Variants in TTC9C observed in about 807,000 individuals in gnomAD.
The protein encoded by TTC9C is tetratricopeptide repeat domain 9C.
In TTC9C, 15 loss-of-function variants were observed where a neutral mutation model predicts 22.5. The observed-to-expected ratio is 0.67, with a 90% CI of 0.45 to 1.03. The LOEUF (loss-of-function observed/expected upper bound fraction) is 1.03, where lower values mean the gene tolerates loss of function less well. Among genes scored for constraint, TTC9C ranks in the 50% least tolerant of loss-of-function variants. The probability of loss-of-function intolerance (pLI) is 0.00; values close to 1 mark genes in which losing one functional copy is unlikely to be tolerated. For missense variants in TTC9C, 244 were observed against 214.6 expected, an observed-to-expected ratio of 1.14 and a Z score of -0.86; for synonymous variants, 92 against 86.8, an observed-to-expected ratio of 1.06 and a Z score of -0.33.
At chr11:62,728,365 T>A (rs184529179), upstream of TTC9C, 1 of 364,890 alleles carries the variant, frequency 2.7e-6, no homozygotes, top group East Asian at 7.4e-5. Context: ...AACAAATAAA[T>A]GTTGAATAAG....
At chr11:62,732,216 C>CG (rs1348328943) in intron 1 of TTC9C, among the ~76,000 whole-genome samples, 8 of 151,764 alleles carry the variant, frequency 5.3e-5, no homozygotes, top group African/African-American at 1.7e-4. Flanking sequence ...AGGATGGTCT[C>CG]GATCTCCTGA....
chr11:62,735,326 G>A (rs531570071), intron 1 of TTC9C, 56 bp from the exon 2 acceptor site: 67 of 1,591,148 alleles, frequency 4.2e-5, no homozygotes, highest in South Asian at 5.7e-5. Flanking sequence ...CTGGCCAGTG[G>A]AACCTGGTGT....
intron 1 of TTC9C, among the ~76,000 whole-genome samples, chr11:62,729,679 G>A (rs1365681885): frequency 1.9e-4 from 28 of 150,916 alleles, no homozygotes; most frequent in African/African-American, 6.6e-4. Flanking sequence ...GAGTTCAAGC[G>A]ATTCTCCTGC....
At chr11:62,736,120 C>T (rs2083908641) in intron 2 of TTC9C, 1 of 150,014 alleles carries the variant, frequency 6.7e-6, no homozygotes, top group Non-Finnish European at 1.5e-5. Flanking sequence ...GCCTGTAAAC[C>T]CAGCTACTCG....
chr11:62,737,312 T>G (rs571100393), intron 2 of TTC9C, among the ~76,000 whole-genome samples: 1 of 152,346 alleles, frequency 6.6e-6, no homozygotes, highest in African/African-American at 2.4e-5. Flanking sequence ...GTCTGGCCTT[T>G]GGTTTAGCTA....
chr11:62,735,140 C>T (rs565598060), intron 1 of TTC9C, among the ~76,000 whole-genome samples: 27 of 152,112 alleles, frequency 1.8e-4, no homozygotes, highest in Admixed American at 1.4e-3. Flanking sequence ...GTGATCCACC[C>T]GTCTCGGCCT....
At chr11:62,736,176 G>A (rs1162838300) in intron 2 of TTC9C, 1 of 142,284 alleles carries the variant, frequency 7.0e-6, no homozygotes, top group Non-Finnish European at 1.5e-5. Context: ...GGCGGAGGTT[G>A]CGGTGAGCCG....
At chr11:62,737,693 C>G (rs1207664402) in intron 2 of TTC9C, among the ~76,000 whole-genome samples, 2 of 152,150 alleles carry the variant, frequency 1.3e-5, no homozygotes, top group Non-Finnish European at 2.9e-5. Flanking sequence ...TTTAGAGGCT[C>G]TATTTTAATG....
At chr11:62,734,230 G>A (rs568856159) in intron 1 of TTC9C, among the ~76,000 whole-genome samples, 3 of 151,410 alleles carry the variant, frequency 2.0e-5, no homozygotes, top group South Asian at 2.1e-4. Context: ...CCCAGGAGGC[G>A]GAGGTTGCCG....
chr11:62,733,018 G>A lies in TTC9C; in HGVS notation c.239-2364G>A, dbSNP rs545769731. ...CACTTGGTGGGGATGTTGTAGAAGGGATACAGACATCAGCACAGGCCCTTT... is the reference window on the plus strand; with the variant it reads ...CACTTGGTGGGGATGTTGTAGAAGGAATACAGACATCAGCACAGGCCCTTT... On this transcript the variant is annotated intron_variant, in intron 1 of 2. Transcript: ENST00000316461. 542 of 429,868 alleles carry A rather than the reference G, an allele frequency of 1.3e-3. 1 individual carries two copies. Among genetic ancestry groups the A allele is most frequent in the Non-Finnish European group, 1.8e-3 (498 of 269,650 alleles). 26.6% of individuals were successfully genotyped at this position (429,868 alleles called of 1,614,324 possible).
intron 2 of TTC9C, chr11:62,736,372 C>T (rs1418478288): frequency 6.6e-6 from 1 of 151,610 alleles, no homozygotes; most frequent in Non-Finnish European, 1.5e-5. Flanking sequence ...CGGAACCCAT[C>T]TCTACTAAAA....
At position 62,735,447 on chromosome 11, in the gene TTC9C, G is replaced by C. The variant is rs140788036; in HGVS notation, c.304G>C (p.Glu102Gln). 3 of 1,613,992 alleles carry C rather than the reference G, an allele frequency of 1.9e-6. No homozygotes were observed. The African/African-American group carries it at 4.0e-5, about 22-fold the overall frequency. Reference protein sequence around the residue: ...RVREYSQKVLERQPDNAKALY... With the variant: ...RVREYSQKVLQRQPDNAKALY... ...GAGAGAATATAGTCAGAAAGTCCTG[G>C]AACGACAGCCTGATAATGCCAAGGC... The change falls in exon 2 of 3, where the codon GAA becomes CAA. Residue 102 changes from glutamate to glutamine, a missense_variant. Coordinates refer to ENST00000316461, the MANE Select transcript of TTC9C (RefSeq NM_173810.4).
rs1188299582 is a variant in TTC9C, at chr11:62,737,414, A to G, written c.422-874A>G. 2.0e-5 allele frequency among the ~76,000 whole-genome samples: 3 copies of G among 152,166 alleles called. No homozygotes were observed. The East Asian group carries it at 5.8e-4, about 29-fold the overall frequency. Reference sequence around the variant, plus strand: ...AGAATTTGGGACTTACTTTGTTTCCAAGGCAAAAAGGATATTGTGAAGCAG... The same window carrying G: ...AGAATTTGGGACTTACTTTGTTTCCGAGGCAAAAAGGATATTGTGAAGCAG... On this transcript the variant is annotated intron_variant, in intron 2 of 2. Coordinates refer to ENST00000316461, the MANE Select transcript of TTC9C (RefSeq NM_173810.4).
At position 62,738,305 on chromosome 11, in the gene TTC9C, TA is replaced by T; in HGVS notation, c.440del (p.Tyr147SerfsTer4). The T allele has an allele frequency of 6.2e-7, 1 of 1,612,404 alleles. No individual in the cohort carries two copies. On this transcript the variant is annotated frameshift_variant, in exon 3 of 3. Transcript: ENST00000316461. LOFTEE classifies it high-confidence loss of function. ...RQPKDANVRR[Y>X]LQLTQSELSS... ...CTTCCAAGATGCCAACGTCCGGCGG[TA>T]CCTCCAGCTGACACAGTCAGAACTC... is the stretch of plus-strand genomic sequence containing the variant.
upstream of TTC9C, chr11:62,728,364 A>T (rs1402036301): frequency 2.7e-6 from 1 of 365,064 alleles, no homozygotes; most frequent in Non-Finnish European, 5.4e-6. Context: ...CAACAAATAA[A>T]TGTTGAATAA....
At position 62,728,559 on chromosome 11, in the gene TTC9C, C is replaced by T. The variant is rs565466043; in HGVS notation, c.-290C>T. Reference sequence around the variant, plus strand: ...GCTTGAGTTCTTCGGAAAGTCTCATCCACCCCCACATCGCCTCTTTAGGAA... The same window carrying T: ...GCTTGAGTTCTTCGGAAAGTCTCATTCACCCCCACATCGCCTCTTTAGGAA... On this transcript the variant is annotated 5_prime_UTR_variant, in exon 1 of 3. Coordinates refer to ENST00000316461, the MANE Select transcript of TTC9C (RefSeq NM_173810.4). The T allele has an allele frequency of 7.5e-6, 4 of 536,470 alleles. No individual in the cohort carries two copies. In the East Asian group the frequency reaches 1.4e-4, roughly 19 times the overall value. 33.2% of individuals were successfully genotyped at this position (536,470 alleles called of 1,614,324 possible).
chr11:62,737,782 C>T lies in TTC9C; in HGVS notation c.422-506C>T, dbSNP rs547895545. ...GCATGGTGGCTCACACCTGTAATCC[C>T]AGCACTTTGGGAGGCCAAGGCGGGT... On this transcript the variant is annotated intron_variant, in intron 2 of 2. Coordinates refer to ENST00000316461, the MANE Select transcript of TTC9C (RefSeq NM_173810.4). 2.6e-5 allele frequency among the ~76,000 whole-genome samples: 4 copies of T among 152,254 alleles called. No homozygotes were observed. In the East Asian group the frequency reaches 7.7e-4, roughly 29 times the overall value.
chr11:62,735,482 G>A lies in TTC9C; in HGVS notation c.339G>A (p.Arg113=). The A allele has an allele frequency of 6.2e-7, 1 of 1,614,082 alleles. No individual in the cohort carries two copies. The highest frequency in any genetic ancestry group is 8.5e-7 in the Non-Finnish European group (1 of 1,180,002). Residue 113 remains arginine (R), a synonymous_variant, in exon 2 of 3, where the codon CGG becomes CGA. Coordinates refer to ENST00000316461, the MANE Select transcript of TTC9C (RefSeq NM_173810.4). The part of the protein sequence containing the change: ...RQPDNAKALY[R]AGVAFFHLQD... ...CTGATAATGCCAAGGCCTTGTATCG[G>A]GCCGGAGTGGCCTTTTTCCATCTGC... is the stretch of plus-strand genomic sequence containing the variant.
intron 1 of TTC9C, among the ~76,000 whole-genome samples, 175 bp from the exon 2 acceptor site, chr11:62,735,207 T>A (rs1334413465): frequency 5.9e-5 from 9 of 152,182 alleles, no homozygotes; most frequent in African/African-American, 2.2e-4. Flanking sequence ...ATGTGAAGCT[T>A]TTATTCACTG....
Sources: gnomAD v4.1 joint callset for allele counts (sites outside exome capture counted in the v4.1 genomes callset) on GRCh38, gnomAD v4.1.1 for gene constraint, MANE v1.5 for transcripts, NCBI Gene and HGNC (gene_info 2026-07-23, HGNC 2026-07-21) for gene names.